Variants in XPO4 observed in about 807,000 individuals in gnomAD.
XPO4 encodes the protein exportin 4, also known as exportin-4.
A neutral mutation model predicts 143.0 loss-of-function variants in XPO4; 39 were observed. The ratio of observed to expected loss-of-function variants is 0.27; its 90% CI spans 0.21 to 0.36. The LOEUF (loss-of-function observed/expected upper bound fraction) is 0.36, where lower values mean the gene tolerates loss of function less well. XPO4 is among the 10% of genes least tolerant of loss of function. The probability of loss-of-function intolerance (pLI) is 1.00; values close to 1 mark genes in which losing one functional copy is unlikely to be tolerated. For missense variants in XPO4, 907 were observed against 1,348.0 expected, an observed-to-expected ratio of 0.67 and a Z score of 5.12; for synonymous variants, 439 against 474.0, an observed-to-expected ratio of 0.93 and a Z score of 0.96.
chr13:20,888,175 CAAAA>C (rs60114182), intron 1 of XPO4, among the ~76,000 whole-genome samples: 2 of 90,578 alleles, frequency 2.2e-5, no homozygotes, highest in African/African-American at 4.7e-5. Context: ...AACTCCATCT[CAAAA>C]AAAAAAAAAA....
At chr13:20,824,385 A>G (rs2059758053) in intron 7 of XPO4, among the ~76,000 whole-genome samples, 1 of 152,210 alleles carries the variant, frequency 6.6e-6, no homozygotes, top group Non-Finnish European at 1.5e-5. Context: ...TGGGACAATA[A>G]GAATACATCT....
At chr13:20,796,720 CAA>C in intron 17 of XPO4, 42 bp downstream of exon 17, 1 of 1,406,176 alleles carries the variant, frequency 7.1e-7, no homozygotes, top group African/African-American at 1.4e-5. Flanking sequence ...ATTACAGCTT[CAA>C]AGAGTTTTAA....
intron 9 of XPO4, among the ~76,000 whole-genome samples, chr13:20,819,552 C>G (rs1335416378): frequency 5.9e-5 from 9 of 151,898 alleles, no homozygotes; most frequent in Admixed American, 5.9e-4. Flanking sequence ...CCCAGCTACT[C>G]GGGAGGCTGA....
chr13:20,863,715 A>G (rs2060221472), intron 2 of XPO4, among the ~76,000 whole-genome samples: 1 of 152,246 alleles, frequency 6.6e-6, no homozygotes, highest in Non-Finnish European at 1.5e-5. Context: ...GCTCTAAAAA[A>G]TAACCATCAT....
At chr13:20,871,257 T>C (rs922817421) in intron 1 of XPO4, among the ~76,000 whole-genome samples, 4 of 152,238 alleles carry the variant, frequency 2.6e-5, no homozygotes, top group African/African-American at 7.2e-5. Flanking sequence ...CTCAGCTCAC[T>C]GCAACCTCCG....
At chr13:20,839,974 T>C (rs2059957257) in intron 6 of XPO4, among the ~76,000 whole-genome samples, 1 of 151,936 alleles carries the variant, frequency 6.6e-6, no homozygotes, top group South Asian at 2.1e-4. Flanking sequence ...CAGAGCAAGA[T>C]TCTTTCTCAA....
At chr13:20,792,502 G>A (rs1017152035) in intron 18 of XPO4, among the ~76,000 whole-genome samples, 7 of 152,152 alleles carry the variant, frequency 4.6e-5, no homozygotes, top group Non-Finnish European at 1.0e-4. Context: ...CGAGGAGGCA[G>A]AGGTTGCAGT....
chr13:20,877,077 T>C (rs756942548), intron 1 of XPO4, among the ~76,000 whole-genome samples: 1 of 152,132 alleles, frequency 6.6e-6, no homozygotes, highest in Non-Finnish European at 1.5e-5. Flanking sequence ...TACAATCCTT[T>C]AGCTAGACAC....
At chr13:20,794,133 T>C (rs1023787842) in intron 18 of XPO4, among the ~76,000 whole-genome samples, 5 of 152,180 alleles carry the variant, frequency 3.3e-5, no homozygotes, top group African/African-American at 4.8e-5. Flanking sequence ...CTTTCTCTTA[T>C]TAACGCTGCC....
intron 18 of XPO4, among the ~76,000 whole-genome samples, chr13:20,792,976 G>A (rs553929717): frequency 1.3e-5 from 2 of 151,956 alleles, no homozygotes; most frequent in South Asian, 4.2e-4. Flanking sequence ...TTTTAGTAGA[G>A]ACGGGGTTTC....
intron 13 of XPO4, among the ~76,000 whole-genome samples, chr13:20,801,938 C>T (rs752745575): frequency 5.3e-5 from 8 of 152,204 alleles, no homozygotes; most frequent in Non-Finnish European, 1.2e-4. Context: ...GGGGTCACTG[C>T]CCTTCCTCTC....
chr13:20,855,669 A>G lies in XPO4; in HGVS notation c.414T>C (p.Phe138=), dbSNP rs1432987572. The G allele has an allele frequency of 6.2e-7, 1 of 1,611,926 alleles. No homozygotes were observed. The highest frequency in any genetic ancestry group is 8.5e-7 in the Non-Finnish European group (1 of 1,179,528). ...TACTAATCAACTGGCTGACTTCATGAAAAATGCTTTTGCAGTCAATTGATT... is the reference window on the plus strand; with the variant it reads ...TACTAATCAACTGGCTGACTTCATGGAAAATGCTTTTGCAGTCAATTGATT... ...LDKSIDCKSI[F]HEVSQLISSG... Residue 138 remains phenylalanine (F), a synonymous_variant, in exon 4 of 23, where the codon TTT becomes TTC. Transcript: ENST00000255305.
At chr13:20,822,365 G>A (rs2137961873) in intron 7 of XPO4, 76 bp from the exon 8 acceptor site, 4 of 1,296,730 alleles carry the variant, frequency 3.1e-6, no homozygotes, top group South Asian at 1.9e-5. Context: ...TGCCGAATGA[G>A]GTAAGACAAA....
chr13:20,874,799 C>A (rs950666599), intron 1 of XPO4, among the ~76,000 whole-genome samples: 22 of 152,158 alleles, frequency 1.4e-4, no homozygotes, highest in African/African-American at 4.8e-4. Flanking sequence ...TCGAGACCAG[C>A]CTGACCAACA....
chr13:20,880,805 A>G (rs1387596563), intron 1 of XPO4, among the ~76,000 whole-genome samples: 1 of 152,044 alleles, frequency 6.6e-6, no homozygotes, highest in Non-Finnish European at 1.5e-5. Flanking sequence ...AACACATACA[A>G]AAGTTAGCCA....
intron 16 of XPO4, 107 bp from the exon 17 acceptor site, chr13:20,797,164 G>T: frequency 9.0e-7 from 1 of 1,106,604 alleles, no homozygotes; most frequent in Non-Finnish European, 1.2e-6. Flanking sequence ...TTGGAGGCAG[G>T]ACAAGCACAT....
At chr13:20,900,094 C>T (rs974865859) in intron 1 of XPO4, among the ~76,000 whole-genome samples, 1 of 152,068 alleles carries the variant, frequency 6.6e-6, no homozygotes, top group Non-Finnish European at 1.5e-5. Context: ...AAAATGAAAA[C>T]GAAAGTAACA....
chr13:20,822,413 C>A, intron 7 of XPO4, 124 bp from the exon 8 acceptor site: 8 of 801,150 alleles, frequency 1.0e-5, no homozygotes, highest in Non-Finnish European at 1.3e-5. Context: ...AAATTAATTC[C>A]TGAATTAAAC....
intron 2 of XPO4, among the ~76,000 whole-genome samples, chr13:20,867,565 A>G (rs9509408): frequency 0.35 from 53,527 of 152,024 alleles, 11,264 homozygotes; most frequent in Non-Finnish European, 0.48. Flanking sequence ...GACTTCCTCA[A>G]GGTGCACCAG....
Sources: allele counts gnomAD v4.1 joint callset (sites outside exome capture counted in the v4.1 genomes callset), GRCh38; gene constraint gnomAD v4.1.1; transcripts MANE v1.5; gene names NCBI Gene and HGNC (gene_info 2026-07-23, HGNC 2026-07-21).